Variants in WLS observed in about 807,000 individuals in gnomAD.
WLS encodes the protein Wnt ligand secretion mediator.
A neutral mutation model predicts 62.8 loss-of-function variants in WLS; 23 were observed. That is an observed-to-expected ratio of 0.37 (90% CI 0.26 to 0.52). WLS has a LOEUF of 0.52. Among genes scored for constraint, WLS ranks in the 20% least tolerant of loss-of-function variants. The pLI, the probability that WLS is intolerant of heterozygous loss-of-function variation, is 0.92. For synonymous variants in WLS, 246 were observed against 244.1 expected, an observed-to-expected ratio of 1.01 and a Z score of -0.07; for missense variants, 615 against 697.3, an observed-to-expected ratio of 0.88 and a Z score of 1.33.
Position 68,148,167 on chromosome 1 carries a change from A to G in WLS, c.1103T>C (p.Ile368Thr), listed in dbSNP as rs769194665. Residue 368 changes from isoleucine to threonine, a missense_variant, in exon 8 of 12, where the codon ATC (isoleucine) becomes ACC (threonine). Coordinates refer to ENST00000262348, the MANE Select transcript of WLS (RefSeq NM_024911.7). ...CTCTGTTCCAATGTCTGTAGTCCAGATACTGTAGAAGGGATTCGTGAGTTG... is the reference window on the plus strand; with the variant it reads ...CTCTGTTCCAATGTCTGTAGTCCAGGTACTGTAGAAGGGATTCGTGAGTTG... Reference protein sequence around the residue: ...GVQLTNPFYSIWTTDIGTELA... With the variant: ...GVQLTNPFYSTWTTDIGTELA... 1.2e-6 allele frequency: 2 copies of G among 1,614,098 alleles called. No individual in the cohort carries two copies. Among genetic ancestry groups the G allele is most frequent in the East Asian group, 4.5e-5 (2 of 44,892 alleles).
At chr1:68,174,602 A>G (rs757481512) in intron 2 of WLS, among the ~76,000 whole-genome samples, 25 of 152,156 alleles carry the variant, frequency 1.6e-4, no homozygotes, top group Non-Finnish European at 5.9e-5. Context: ...CTCCTCCCTC[A>G]ATAAAAGCCA....
At chr1:68,149,766 G>A (rs1349749198) in intron 6 of WLS, among the ~76,000 whole-genome samples, 1 of 152,202 alleles carries the variant, frequency 6.6e-6, no homozygotes, top group Admixed American at 6.5e-5. Flanking sequence ...CACATTCTCT[G>A]ATGGTTAACC....
At chr1:68,157,725 T>A (rs189832028) in intron 3 of WLS, among the ~76,000 whole-genome samples, 90 of 152,202 alleles carry the variant, frequency 5.9e-4, no homozygotes, top group African/African-American at 2.0e-3. Flanking sequence ...TTTCAAGATT[T>A]AATATCTTTC....
chr1:68,203,580 A>T (rs1649140910), intron 1 of WLS, among the ~76,000 whole-genome samples: 1 of 152,008 alleles, frequency 6.6e-6, no homozygotes, highest in Non-Finnish European at 1.5e-5. Flanking sequence ...AATGCACTAA[A>T]CTCCCTTGAA....
intron 2 of WLS, among the ~76,000 whole-genome samples, chr1:68,166,767 G>A (rs1647065369): frequency 6.6e-6 from 1 of 152,112 alleles, no homozygotes; most frequent in Non-Finnish European, 1.5e-5. Flanking sequence ...AGCATGTTCT[G>A]CCGTCTCTTC....
At chr1:68,166,518 C>T (rs1647061994) in intron 2 of WLS, among the ~76,000 whole-genome samples, 1 of 152,218 alleles carries the variant, frequency 6.6e-6, no homozygotes, top group African/African-American at 2.4e-5. Context: ...GGCCCCACTG[C>T]ACTCTACTAC....
intron 9 of WLS, 151 bp downstream of exon 9, chr1:68,145,718 G>T (rs1646743973): frequency 1.6e-6 from 2 of 1,283,156 alleles, no homozygotes; most frequent in Non-Finnish European, 2.1e-6. Context: ...GTAAGATTTG[G>T]CCTCTAATTT....
chr1:68,146,569 A>G (rs558766647), intron 8 of WLS, among the ~76,000 whole-genome samples: 122 of 152,318 alleles, frequency 8.0e-4, no homozygotes, highest in African/African-American at 2.8e-3. Context: ...ATACTCTGGC[A>G]TAATTGAAGA....
At chr1:68,123,745 C>T (rs979665917), downstream of WLS, among the ~76,000 whole-genome samples, 59 of 152,078 alleles carry the variant, frequency 3.9e-4, 1 homozygote, top group Non-Finnish European at 2.9e-5. Context: ...CAGGGACAGC[C>T]ACCTGCCTAA....
intron 10 of WLS, chr1:68,141,797 CCT>C (rs1646689889): frequency 6.6e-6 from 1 of 152,106 alleles, no homozygotes; most frequent in Non-Finnish European, 1.5e-5. Context: ...AAAAATAAAT[CCT>C]CTGATGACTA....
At chr1:68,148,901 A>G (rs1646788872) in intron 6 of WLS, among the ~76,000 whole-genome samples, 1 of 152,130 alleles carries the variant, frequency 6.6e-6, no homozygotes, top group Admixed American at 6.5e-5. Context: ...TGAGAGTAAT[A>G]AGAACAGGAT....
intron 2 of WLS, chr1:68,162,101 G>A: frequency 6.4e-7 from 1 of 1,563,724 alleles, no homozygotes; most frequent in Non-Finnish European, 8.8e-7. Flanking sequence ...CTCATCTCCA[G>A]TGACGCCTGC....
At chr1:68,219,167 A>G (rs1649849629) in intron 1 of WLS, among the ~76,000 whole-genome samples, 1 of 152,230 alleles carries the variant, frequency 6.6e-6, no homozygotes, top group Non-Finnish European at 1.5e-5. Flanking sequence ...CCTTCTTCCC[A>G]CTAAACTTTA....
At chr1:68,205,614 C>T (rs1038133501) in intron 1 of WLS, among the ~76,000 whole-genome samples, 31 of 152,312 alleles carry the variant, frequency 2.0e-4, no homozygotes, top group Non-Finnish European at 4.3e-4. Context: ...ACATCTCAGC[C>T]TTTAGTGTAT....
Position 68,137,885 on chromosome 1 carries a change from T to C in WLS, c.1411A>G (p.Ser471Gly). The C allele has an allele frequency of 1.2e-6, 2 of 1,614,022 alleles. No homozygotes were observed. Among genetic ancestry groups the C allele is most frequent in the Non-Finnish European group, 1.7e-6 (2 of 1,179,914 alleles). Reference protein sequence around the residue: ...KWGGVTVQVNSAFFTGIYGMW... With the variant: ...KWGGVTVQVNGAFFTGIYGMW... The stretch of plus-strand genomic sequence containing the variant: ...CCATAGATGCCTGTGAAAAAGGCAC[T>C]GTTCACTTGGACTGTGACGCCGCCC... Residue 471 changes from serine (S) to glycine (G), a missense_variant, in exon 11 of 12, where the codon AGT (serine) becomes GGT (glycine). Physicochemically the swap from Ser to Gly is moderately conservative, Grantham distance 56. Coordinates refer to ENST00000262348, the MANE Select transcript of WLS (RefSeq NM_024911.7).
intron 2 of WLS, among the ~76,000 whole-genome samples, chr1:68,161,116 T>G (rs1410837436): frequency 1.3e-5 from 2 of 152,162 alleles, no homozygotes; most frequent in Non-Finnish European, 2.9e-5. Context: ...ACAAACAGCT[T>G]GTGAAAGTTA....
At chr1:68,105,847 G>T (rs866551763) in intron 11 of WLS, among the ~76,000 whole-genome samples, 1 of 152,140 alleles carries the variant, frequency 6.6e-6, no homozygotes, top group Non-Finnish European at 1.5e-5. Context: ...AACACCAGAT[G>T]AGTGGACAGA....
chr1:68,226,517 G>A (rs971270191), intron 1 of WLS, among the ~76,000 whole-genome samples: 4 of 152,088 alleles, frequency 2.6e-5, no homozygotes, highest in Non-Finnish European at 4.4e-5. Context: ...AATATAATTA[G>A]TTGATGGTAT....
intron 11 of WLS, among the ~76,000 whole-genome samples, chr1:68,119,305 C>G (rs1646335773): frequency 1.3e-5 from 2 of 152,180 alleles, no homozygotes. Context: ...TAAGAACATA[C>G]TGACATTTTA....
Sources: gnomAD v4.1 joint callset for allele counts (sites outside exome capture counted in the v4.1 genomes callset) on GRCh38, gnomAD v4.1.1 for gene constraint, MANE v1.5 for transcripts, NCBI Gene and HGNC (gene_info 2026-07-23, HGNC 2026-07-21) for gene names.